PITPNC1: variants seen among roughly 807,000 people sequenced by gnomAD.
PITPNC1 encodes phosphatidylinositol transfer protein cytoplasmic 1.
PITPNC1 carries 18 observed loss-of-function variants against 44.7 expected under a neutral mutation model. The ratio of observed to expected loss-of-function variants is 0.40; its 90% CI spans 0.28 to 0.60. The LOEUF (loss-of-function observed/expected upper bound fraction) is 0.60. Ranked by LOEUF, PITPNC1 falls within the 20% of genes least tolerant of loss-of-function variation. PITPNC1 has a pLI of 0.39. For synonymous variants in PITPNC1, 141 were observed against 149.6 expected (o/e 0.94, Z 0.42); for missense variants, 290 against 418.4 (o/e 0.69, Z 2.68).
intron 1 of PITPNC1, among the ~76,000 whole-genome samples, chr17:67,467,914 T>A (rs911258280): frequency 6.6e-6 from 1 of 152,146 alleles, no homozygotes; most frequent in Non-Finnish European, 1.5e-5. Context: ...CAGAATTGAG[T>A]TGGAGACTTA....
chr17:67,553,367 A>G (rs1598813091), intron 3 of PITPNC1: 3 of 343,102 alleles, frequency 8.7e-6, no homozygotes, highest in African/African-American at 4.2e-5. Context: ...CCACAAGCCT[A>G]TAGGCTAATT....
At chr17:67,528,332 G>T (rs2040417367) in intron 1 of PITPNC1, among the ~76,000 whole-genome samples, 1 of 152,204 alleles carries the variant, frequency 6.6e-6, no homozygotes, top group African/African-American at 2.4e-5. Flanking sequence ...ATGAGCCGCT[G>T]CGCCCAGCCA....
chr17:67,500,763 A>G lies in PITPNC1; in HGVS notation c.49-32039A>G, dbSNP rs1312065983. On this transcript the variant is annotated intron_variant, in intron 1 of 8. Transcript: ENST00000581322. ...TGGCCCATGGCTCACGGCTCACTGA[A>G]GCCTCAAACTCCTGGGCTCAAGTGA... 3.3e-5 allele frequency among the ~76,000 whole-genome samples: 5 copies of G among 151,972 alleles called. No homozygotes were observed. The East Asian group carries it at 9.6e-4, about 29-fold the overall frequency.
At chr17:67,610,840 G>A (rs2041677869) in intron 5 of PITPNC1, among the ~76,000 whole-genome samples, 1 of 150,276 alleles carries the variant, frequency 6.7e-6, no homozygotes, top group African/African-American at 2.5e-5. Context: ...AGAATCGTTT[G>A]AACCCGAGGG....
rs191784978 is a variant in PITPNC1, at chr17:67,658,418, C to T, written c.463-11090C>T. ...GCATACTCACAAACCAATCAGCATG[C>T]GCTCCCTATTGTTAGCCCATAAAAG... is the stretch of plus-strand genomic sequence containing the variant. On this transcript the variant is annotated intron_variant, in intron 6 of 8. Transcript: ENST00000581322. 2.2e-3 allele frequency among the ~76,000 whole-genome samples: 337 copies of T among 152,286 alleles called. 4 individuals carry two copies. The highest frequency in any genetic ancestry group is 7.6e-3 in the African/African-American group (317 of 41,546).
At chr17:67,663,172 A>G (rs964517396) in intron 6 of PITPNC1, among the ~76,000 whole-genome samples, 1 of 152,166 alleles carries the variant, frequency 6.6e-6, no homozygotes, top group Non-Finnish European at 1.5e-5. Flanking sequence ...GATATAACAC[A>G]TGTTGTGTAT....
At chr17:67,379,712 C>T (rs533419146) in intron 1 of PITPNC1, among the ~76,000 whole-genome samples, 2 of 152,120 alleles carry the variant, frequency 1.3e-5, no homozygotes. Context: ...ATTGTCCCAC[C>T]TTGTGGGCAG....
intron 1 of PITPNC1, among the ~76,000 whole-genome samples, chr17:67,499,572 C>T (rs2040000667): frequency 6.6e-6 from 1 of 152,208 alleles, no homozygotes; most frequent in Admixed American, 6.5e-5. Flanking sequence ...AGCTGGTCTG[C>T]TACCTCCCTA....
intron 1 of PITPNC1, among the ~76,000 whole-genome samples, chr17:67,532,428 C>T (rs751258501): frequency 2.0e-5 from 3 of 152,032 alleles, no homozygotes; most frequent in African/African-American, 4.8e-5. Context: ...GCAGAAATCA[C>T]ACACCCTCGG....
At chr17:67,680,071 A>G (rs995362623) in intron 8 of PITPNC1, among the ~76,000 whole-genome samples, 13 of 152,216 alleles carry the variant, frequency 8.5e-5, no homozygotes, top group African/African-American at 3.1e-4. Context: ...TGGAGTCCCT[A>G]GAGCAGGTCT....
At chr17:67,692,359 T>C (rs2042943720) in intron 8 of PITPNC1, among the ~76,000 whole-genome samples, 7 of 152,126 alleles carry the variant, frequency 4.6e-5, no homozygotes, top group Admixed American at 4.6e-4. Context: ...AAATCTTAAA[T>C]GGATAATCAT....
chr17:67,687,798 C>T (rs1324064887), intron 8 of PITPNC1, among the ~76,000 whole-genome samples: 2 of 151,998 alleles, frequency 1.3e-5, no homozygotes, highest in African/African-American at 4.8e-5. Context: ...CCTTAGAGAG[C>T]CTCAGTTATT....
intron 4 of PITPNC1, among the ~76,000 whole-genome samples, chr17:67,568,749 C>G (rs970924199): frequency 6.6e-6 from 1 of 152,024 alleles, no homozygotes; most frequent in Non-Finnish European, 1.5e-5. Context: ...AGCGAGGCAT[C>G]GGGAGAGAGG....
At chr17:67,483,853 G>A (rs1315584120) in intron 1 of PITPNC1, among the ~76,000 whole-genome samples, 1 of 151,778 alleles carries the variant, frequency 6.6e-6, no homozygotes, top group East Asian at 1.9e-4. Context: ...GTTTCATAAC[G>A]CAGCCAGCAC....
chr17:67,692,525 C>T (rs774661232), intron 8 of PITPNC1, 47 bp from the exon 9 acceptor site: 3 of 1,385,162 alleles, frequency 2.2e-6, no homozygotes, highest in Non-Finnish European at 1.0e-6. Flanking sequence ...CTATTTGCCT[C>T]TCTTATAAAT....
Position 67,696,301 on chromosome 17 carries a change from A to G in PITPNC1, c.*3413A>G, listed in dbSNP as rs762365748. On this transcript the variant is annotated 3_prime_UTR_variant, in exon 9 of 9. Transcript: ENST00000581322. The stretch of plus-strand genomic sequence containing the variant: ...ACATCTCGATAAATCATTCTCTGCA[A>G]AAGTTTCAGGGCTAATGTATTTATG... 4 of 152,044 alleles carry G rather than the reference A, an allele frequency of 2.6e-5. No homozygotes were observed. Among genetic ancestry groups the G allele is most frequent in the Non-Finnish European group, 5.9e-5 (4 of 68,032 alleles). 9.4% of individuals were successfully genotyped at this position (152,044 alleles called of 1,614,324 possible). A position where few individuals can be genotyped will look rare whatever the true frequency, so the allele number is the denominator to read the frequency against.
chr17:67,486,606 A>G (rs2039781254), intron 1 of PITPNC1, among the ~76,000 whole-genome samples: 1 of 152,162 alleles, frequency 6.6e-6, no homozygotes, highest in African/African-American at 2.4e-5. Flanking sequence ...AGTTATAAGC[A>G]AAGAGGTCTT....
intron 8 of PITPNC1, among the ~76,000 whole-genome samples, chr17:67,690,495 G>A (rs1209192224): frequency 1.3e-5 from 2 of 151,266 alleles, no homozygotes; most frequent in Non-Finnish European, 2.9e-5. Context: ...TTAATACTGT[G>A]TTATGAATAT....
chr17:67,500,723 C>T (rs2040015662), intron 1 of PITPNC1, among the ~76,000 whole-genome samples: 1 of 151,326 alleles, frequency 6.6e-6, no homozygotes, highest in African/African-American at 2.4e-5. Context: ...AGTACAGTGG[C>T]ACAATCACGG....
Sources: gnomAD v4.1 joint callset for allele counts (sites outside exome capture counted in the v4.1 genomes callset) on GRCh38, gnomAD v4.1.1 for gene constraint, MANE v1.5 for transcripts, NCBI Gene and HGNC (gene_info 2026-07-23, HGNC 2026-07-21) for gene names.